The following RBFOX1 variants were observed in gnomAD, a reference collection of about 807,000 sequenced individuals.
The protein encoded by RBFOX1 is RNA binding fox-1 homolog 1, also known as RNA binding protein fox-1 homolog 1.
Under a neutral mutation model 57.7 loss-of-function variants are expected in RBFOX1, and 8 were observed. That is an observed-to-expected ratio of 0.14 (90% CI 0.08 to 0.25). RBFOX1 has a LOEUF of 0.25. Among genes scored for constraint, RBFOX1 ranks in the 10% least tolerant of loss-of-function variants. The pLI is 1.00. For missense variants in RBFOX1, 611 were observed against 548.5 expected, an observed-to-expected ratio of 1.11 and a Z score of -1.14; for synonymous variants, 326 against 222.4, an observed-to-expected ratio of 1.47 and a Z score of -4.15.
chr16:6,569,809 G>C (rs1192666995), intron 2 of RBFOX1, among the ~76,000 whole-genome samples: 9 of 152,132 alleles, frequency 5.9e-5, no homozygotes, highest in East Asian at 3.9e-4. Context: ...CGGCTGTTTC[G>C]TTAAGTTCTC....
At chr16:6,958,921 C>G (rs1366239360) in intron 3 of RBFOX1, among the ~76,000 whole-genome samples, 3 of 152,160 alleles carry the variant, frequency 2.0e-5, no homozygotes, top group Non-Finnish European at 2.9e-5. Context: ...AAGGCGTATT[C>G]TCCATCCTGA....
intron 4 of RBFOX1, among the ~76,000 whole-genome samples, chr16:7,259,428 G>C (rs1235980422): frequency 1.3e-5 from 2 of 151,818 alleles, no homozygotes; most frequent in African/African-American, 2.4e-5. Context: ...TAATGAGTGA[G>C]ACCCCTGTAG....
At chr16:6,326,732 A>G (rs1323810970) in intron 2 of RBFOX1, among the ~76,000 whole-genome samples, 1 of 152,056 alleles carries the variant, frequency 6.6e-6, no homozygotes, top group Non-Finnish European at 1.5e-5. Flanking sequence ...GTCATTACAC[A>G]CTAATCATAG....
intron 3 of RBFOX1, among the ~76,000 whole-genome samples, chr16:6,843,423 T>G (rs988784582): frequency 2.0e-5 from 3 of 152,132 alleles, no homozygotes; most frequent in Non-Finnish European, 4.4e-5. Context: ...ACATGGTGGC[T>G]TACACCTGTA....
chr16:6,595,964 G>A (rs1416238894), intron 2 of RBFOX1, among the ~76,000 whole-genome samples: 1 of 151,664 alleles, frequency 6.6e-6, no homozygotes, highest in African/African-American at 2.4e-5. Flanking sequence ...TTTTATATAA[G>A]GGTTTTAATG....
At chr16:6,186,925 G>T (rs1163491229) in intron 1 of RBFOX1, among the ~76,000 whole-genome samples, 1 of 152,132 alleles carries the variant, frequency 6.6e-6, no homozygotes, top group African/African-American at 2.4e-5. Context: ...TACTCTCGTG[G>T]TTCAAGATCC....
chr16:6,483,565 T>C, intron 2 of RBFOX1: 2 of 1,534,236 alleles, frequency 1.3e-6, no homozygotes, highest in Non-Finnish European at 1.7e-6. Flanking sequence ...CGAAGAAGAC[T>C]CTAAAACACT....
intron 3 of RBFOX1, among the ~76,000 whole-genome samples, chr16:6,679,368 C>G (rs150609009): frequency 1.3e-5 from 2 of 152,048 alleles, no homozygotes; most frequent in African/African-American, 2.4e-5. Flanking sequence ...TTGGGAAATG[C>G]TTGTCTTGCT....
At chr16:6,051,502 A>AT (rs897456638) in intron 1 of RBFOX1, among the ~76,000 whole-genome samples, 11 of 152,058 alleles carry the variant, frequency 7.2e-5, no homozygotes, top group African/African-American at 2.2e-4. Context: ...TAATTTTTGT[A>AT]TTTTTTAGTA....
intron 4 of RBFOX1, among the ~76,000 whole-genome samples, chr16:7,366,635 T>C (rs966071092): frequency 4.7e-5 from 7 of 148,462 alleles, no homozygotes; most frequent in Non-Finnish European, 7.4e-5. Flanking sequence ...TCTGATGATA[T>C]TGATAGTTTT....
chr16:5,642,461 A>G (rs1234026915), intron 3 of RBFOX1, among the ~76,000 whole-genome samples: 2 of 152,176 alleles, frequency 1.3e-5, no homozygotes, highest in East Asian at 3.9e-4. Flanking sequence ...TCTGAGGATG[A>G]AAAGCCTTCT....
chr16:6,813,583 C>T (rs1250828289), intron 3 of RBFOX1, among the ~76,000 whole-genome samples: 2 of 152,186 alleles, frequency 1.3e-5, no homozygotes, highest in African/African-American at 4.8e-5. Flanking sequence ...TCATCTTCTG[C>T]ATCCAAACCT....
rs138256478 is a variant in RBFOX1 at position 6,715,102 on chromosome 16, T to C, written c.-16+60452T>C. ...GTCTGTGTGCGGCAGCAGGGAGTGG[T>C]GAATACAGTCAAGATTTGCCACTTG... On this transcript the variant is annotated intron_variant, in intron 3 of 15. Transcript: ENST00000550418. Among the ~76,000 whole-genome samples, 16 of 152,166 alleles carry C rather than the reference T, an allele frequency of 1.1e-4. 1 individual carries two copies. Among genetic ancestry groups the C allele is most frequent in the Admixed American group, 7.2e-4 (11 of 15,266 alleles).
At chr16:6,419,369 G>A (rs1023866926) in intron 2 of RBFOX1, among the ~76,000 whole-genome samples, 3 of 152,154 alleles carry the variant, frequency 2.0e-5, no homozygotes, top group African/African-American at 7.2e-5. Flanking sequence ...AAAGTGTGGA[G>A]TGTATGGCTT....
intron 1 of RBFOX1, among the ~76,000 whole-genome samples, chr16:6,269,375 G>A (rs1032538104): frequency 6.6e-6 from 1 of 152,190 alleles, no homozygotes; most frequent in African/African-American, 2.4e-5. Context: ...ACTGGATATA[G>A]TTTCAAATCA....
chr16:6,921,738 A>G (rs1427848920), intron 3 of RBFOX1, among the ~76,000 whole-genome samples: 1 of 151,680 alleles, frequency 6.6e-6, no homozygotes, highest in Non-Finnish European at 1.5e-5. Flanking sequence ...CATATATATG[A>G]GCATATGTAT....
chr16:6,311,322 A>G (rs2080281717), intron 1 of RBFOX1, among the ~76,000 whole-genome samples: 1 of 150,348 alleles, frequency 6.7e-6, no homozygotes, highest in Non-Finnish European at 1.5e-5. Flanking sequence ...AAAAAGAATA[A>G]AAGAACTATT....
chr16:6,957,890 T>C (rs918502414), intron 3 of RBFOX1, among the ~76,000 whole-genome samples: 13 of 152,166 alleles, frequency 8.5e-5, no homozygotes, highest in African/African-American at 3.1e-4. Context: ...AGCCCTTAAA[T>C]GGCCCCTCCC....
At chr16:5,399,709 C>G (rs1032287540) in intron 1 of RBFOX1, among the ~76,000 whole-genome samples, 1 of 151,598 alleles carries the variant, frequency 6.6e-6, no homozygotes, top group African/African-American at 2.4e-5. Flanking sequence ...GCTCTCCAGC[C>G]TGGGTGACAG....
Sources: allele counts gnomAD v4.1 joint callset (sites outside exome capture counted in the v4.1 genomes callset), GRCh38; gene constraint gnomAD v4.1.1; transcripts MANE v1.5; gene names NCBI Gene and HGNC (gene_info 2026-07-23, HGNC 2026-07-21).